The following ARPP21 variants were observed in gnomAD, a reference collection of about 807,000 sequenced individuals.
ARPP21 encodes cAMP regulated phosphoprotein 21.
ARPP21 carries 69 observed loss-of-function variants against 113.2 expected under a neutral mutation model. The observed-to-expected ratio is 0.61, with a 90% CI of 0.50 to 0.74. ARPP21 has a LOEUF of 0.74. Ranked by LOEUF, ARPP21 falls within the 30% of genes least tolerant of loss-of-function variation. ARPP21 has a pLI of 0.00. For missense variants in ARPP21, 1,070 were observed against 1,037.4 expected, an observed-to-expected ratio of 1.03 and a Z score of -0.43; for synonymous variants, 368 against 375.5, an observed-to-expected ratio of 0.98 and a Z score of 0.23.
At chr3:35,715,378 T>C in intron 11 of ARPP21, 61 bp from the exon 12 acceptor site, 1 of 1,354,104 alleles carries the variant, frequency 7.4e-7, no homozygotes, top group Non-Finnish European at 1.1e-6. Context: ...ATCAGGCAAG[T>C]ATTTGGGATC....
intron 10 of ARPP21, chr3:35,707,656 TTGTC>T (rs2089668670): frequency 4.9e-6 from 2 of 404,854 alleles, no homozygotes; most frequent in Non-Finnish European, 5.0e-6. Flanking sequence ...TCCATGTAAA[TTGTC>T]TGCTTGTTTT....
At chr3:35,671,861 A>G (rs918242834) in intron 1 of ARPP21, among the ~76,000 whole-genome samples, 10 of 152,002 alleles carry the variant, frequency 6.6e-5, no homozygotes, top group African/African-American at 2.4e-4. Flanking sequence ...AATTATGATA[A>G]ATCATGCAAT....
rs181303829 is a variant in ARPP21, at chr3:35,761,647, T to C, written c.2137+17682T>C. Among the ~76,000 whole-genome samples the C allele has an allele frequency of 5.3e-5, 8 of 151,976 alleles. No individual in the cohort carries two copies. The East Asian group carries it at 1.5e-3, about 29-fold the overall frequency. ...CAGAGGGAAAAATATCTGAGTGGAA[T>C]TAAGCTCCAGTGAGATTCTTGATTA... On this transcript the variant is annotated intron_variant, in intron 19 of 20. Coordinates refer to ENST00000684406, the MANE Select transcript of ARPP21 (RefSeq NM_001385562.1).
intron 9 of ARPP21, among the ~76,000 whole-genome samples, chr3:35,697,228 G>A (rs190736042): frequency 1.3e-5 from 2 of 151,640 alleles, no homozygotes; most frequent in East Asian, 3.9e-4. Flanking sequence ...CCCCTGCTCT[G>A]ACAGTGCAGA....
chr3:35,668,916 G>C (rs544771851), intron 1 of ARPP21, among the ~76,000 whole-genome samples: 1 of 151,994 alleles, frequency 6.6e-6, no homozygotes, highest in Non-Finnish European at 1.5e-5. Flanking sequence ...TATCAAATAC[G>C]GGGAAATGCT....
intron 1 of ARPP21, among the ~76,000 whole-genome samples, chr3:35,663,601 A>G (rs1232586314): frequency 1.3e-5 from 2 of 152,044 alleles, no homozygotes; most frequent in African/African-American, 4.8e-5. Context: ...TCGGAGACAG[A>G]TCTGGAGGGA....
At position 35,748,067 on chromosome 3, in the gene ARPP21, G is replaced by GAAGGAAGAAAGAAAGA. The variant is rs1180382135; in HGVS notation, c.2137+4105_2137+4106insGAAGAAAGAAAGAAAG. Among the ~76,000 whole-genome samples the GAAGGAAGAAAGAAAGA allele has an allele frequency of 2.8e-4, 24 of 86,956 alleles. No homozygotes were observed. In the East Asian group the frequency reaches 3.5e-3, roughly 13 times the overall value. 57.0% of individuals were successfully genotyped at this position (86,956 alleles called of 152,430 possible). On this transcript the variant is annotated intron_variant, in intron 19 of 20. Coordinates refer to ENST00000684406, the MANE Select transcript of ARPP21 (RefSeq NM_001385562.1). Reference sequence around the variant, plus strand: ...GAGAGAAAGAAAAGGAAGAAGGAAGGAAGAAAGAAAGAAAGAAAGAAAGAA... The same window carrying GAAGGAAGAAAGAAAGA: ...GAGAGAAAGAAAAGGAAGAAGGAAGGAAGGAAGAAAGAAAGAAAGAAAGAAAGAAAGAAAGAAAGAA...
At chr3:35,697,998 C>T (rs2084720349) in intron 9 of ARPP21, among the ~76,000 whole-genome samples, 1 of 151,478 alleles carries the variant, frequency 6.6e-6, no homozygotes, top group Admixed American at 6.6e-5. Context: ...GGCATCCTGT[C>T]ATTTCTAAAC....
At chr3:35,720,950 T>A (rs1009479493) in intron 13 of ARPP21, among the ~76,000 whole-genome samples, 2 of 152,238 alleles carry the variant, frequency 1.3e-5, no homozygotes, top group African/African-American at 4.8e-5. Context: ...TTTTCAAAAG[T>A]TTTTCTACGT....
chr3:35,693,971 T>C (rs1206769747), intron 9 of ARPP21, among the ~76,000 whole-genome samples: 4 of 151,742 alleles, frequency 2.6e-5, no homozygotes, highest in Non-Finnish European at 1.5e-5. Flanking sequence ...GGTATTTTTG[T>C]TTACTAAGAG....
intron 15 of ARPP21, among the ~76,000 whole-genome samples, chr3:35,736,717 G>A (rs1394259034): frequency 6.6e-6 from 1 of 152,188 alleles, no homozygotes; most frequent in Non-Finnish European, 1.5e-5. Flanking sequence ...TGGTGACAAG[G>A]CTTAGTAGCA....
chr3:35,772,941 C>T (rs2096250961), intron 19 of ARPP21, among the ~76,000 whole-genome samples: 1 of 152,082 alleles, frequency 6.6e-6, no homozygotes, highest in African/African-American at 2.4e-5. Flanking sequence ...TTATTTTTGC[C>T]TACAGCTGGC....
chr3:35,741,796 A>G (rs887981255), intron 18 of ARPP21, among the ~76,000 whole-genome samples: 1 of 152,010 alleles, frequency 6.6e-6, no homozygotes, highest in Non-Finnish European at 1.5e-5. Flanking sequence ...TTTCATACTG[A>G]TCTTTTAAAA....
chr3:35,739,455 G>C lies in ARPP21; in HGVS notation c.1888G>C (p.Ala630Pro), dbSNP rs151173813. The C allele has an allele frequency of 6.2e-6, 10 of 1,614,060 alleles. No homozygotes were observed. In the Admixed American group the frequency reaches 1.7e-4, roughly 27 times the overall value. The change falls in exon 18 of 21, where the codon GCC becomes CCC. Residue 630 changes from alanine to proline, a missense_variant. Transcript: ENST00000684406. Reference sequence around the variant, plus strand: ...GGCCCAGCAGCCCAGCTATGTAATCGCCTCTACAGGCCAGCAGCTTCCTAC... The same window carrying C: ...GGCCCAGCAGCCCAGCTATGTAATCCCCTCTACAGGCCAGCAGCTTCCTAC... Reference protein sequence around the residue: ...QPAQQPSYVIASTGQQLPTGG... With the variant: ...QPAQQPSYVIPSTGQQLPTGG...
rs867737643 is a variant in ARPP21, at chr3:35,685,147, G to A, written c.261+1332G>A. 8.2e-5 allele frequency: 81 copies of A among 985,406 alleles called. No individual in the cohort carries two copies. In the Middle Eastern group the frequency reaches 3.1e-3, roughly 38 times the overall value. The allele number at this position is 985,406 out of a possible 1,614,324, so 61.0% of individuals were successfully genotyped here. A position where few individuals can be genotyped will look rare whatever the true frequency, so the allele number is the denominator to read the frequency against. On this transcript the variant is annotated intron_variant, in intron 5 of 20. Coordinates refer to ENST00000684406, the MANE Select transcript of ARPP21 (RefSeq NM_001385562.1). ...CAGGCAGAGAAGGACAGCCTTTATAGACTTAATCTGCTTTTTGTCCCATTT... is the reference window on the plus strand; with the variant it reads ...CAGGCAGAGAAGGACAGCCTTTATAAACTTAATCTGCTTTTTGTCCCATTT...
Position 35,690,883 on chromosome 3 carries a change from C to A in ARPP21, c.564C>A (p.Phe188Leu). The A allele has an allele frequency of 6.2e-7, 1 of 1,605,832 alleles. No homozygotes were observed. Among genetic ancestry groups the A allele is most frequent in the Non-Finnish European group, 8.5e-7 (1 of 1,176,478 alleles). ...GTTCTAGTAATCATTATAAAAAGTT[C>A]CCTCAGATGTCATCGTATCAGAGGA... ...IADNNNHYKK[F>L]PQMSSYQRML... Residue 188 changes from phenylalanine (F) to leucine (L), a missense_variant, in exon 9 of 21, where the codon TTC becomes TTA. Physicochemically the swap from Phe to Leu is conservative, Grantham distance 22. Transcript: ENST00000684406.
intron 9 of ARPP21, among the ~76,000 whole-genome samples, chr3:35,699,689 A>G (rs2085525403): frequency 1.3e-5 from 2 of 151,690 alleles, no homozygotes; most frequent in Non-Finnish European, 3.0e-5. Context: ...ATTTACACGT[A>G]CCAAAAATAT....
chr3:35,756,212 A>G (rs1212279467), intron 19 of ARPP21, among the ~76,000 whole-genome samples: 2 of 152,100 alleles, frequency 1.3e-5, no homozygotes, highest in Non-Finnish European at 2.9e-5. Context: ...TTCCACAGCA[A>G]CAATCACTGT....
rs775554850 is a variant in ARPP21 at position 35,721,773 on chromosome 3, G to T, written c.1164G>T (p.Thr388=). The change falls in exon 14 of 21, where the codon ACG becomes ACT. Residue 388 remains threonine (T), a synonymous_variant. Transcript: ENST00000684406. ...AGACGGCGAGTTTTGGGGGCATCAC[G>T]GTGCTGACCAGGGGTGACAGCACTT... ...MTKTASFGGI[T]VLTRGDSTSS... is the part of the protein sequence containing the mutation. 6.2e-7 allele frequency: 1 copy of T among 1,613,582 alleles called. No individual in the cohort carries two copies. The highest frequency in any genetic ancestry group is 8.5e-7 in the Non-Finnish European group (1 of 1,179,780).
Sources: allele counts gnomAD v4.1 joint callset (sites outside exome capture counted in the v4.1 genomes callset), GRCh38; gene constraint gnomAD v4.1.1; transcripts MANE v1.5; gene names NCBI Gene and HGNC (gene_info 2026-07-23, HGNC 2026-07-21).